The following DLG2 variants were observed in gnomAD, a reference collection of about 807,000 sequenced individuals.
DLG2 encodes the protein disks large homolog 2.
Under a neutral mutation model 132.5 loss-of-function variants are expected in DLG2, and 45 were observed. That is an observed-to-expected ratio of 0.34 (90% CI 0.27 to 0.44). DLG2 has a LOEUF of 0.44. Ranked by LOEUF, DLG2 falls within the 20% of genes least tolerant of loss-of-function variation. DLG2 has a pLI of 1.00. For missense variants in DLG2, 1,045 were observed against 1,196.9 expected, an observed-to-expected ratio of 0.87 and a Z score of 1.87; for synonymous variants, 424 against 419.6, an observed-to-expected ratio of 1.01 and a Z score of -0.13.
chr11:85,199,905 G>C lies in DLG2; in HGVS notation c.187-45254C>G, dbSNP rs2081328321. Among the ~76,000 whole-genome samples, 3 of 150,518 alleles carry C rather than the reference G, an allele frequency of 2.0e-5. 1 individual carries two copies. Among genetic ancestry groups the C allele is most frequent in the Middle Eastern group, 7.0e-3 (2 of 284 alleles). ...ACTTTGGGTTCTACCCCCACACCAA[G>C]AACGCAGAATATTTTTGTAGTGAGA... On this transcript the variant is annotated intron_variant, in intron 4 of 27. Transcript: ENST00000376104.
intron 3 of DLG2, among the ~76,000 whole-genome samples, chr11:85,367,135 T>TA: frequency 6.6e-6 from 1 of 152,262 alleles, no homozygotes; most frequent in South Asian, 2.1e-4. Context: ...ATCAACGTTT[T>TA]AAAAAATAAT....
chr11:85,425,045 C>CA (rs57698826), intron 3 of DLG2, among the ~76,000 whole-genome samples: 1 of 151,324 alleles, frequency 6.6e-6, no homozygotes, highest in Non-Finnish European at 1.5e-5. Context: ...AACAAAAAAA[C>CA]AAACCCACCA....
At chr11:83,461,917 G>A (rs2090104724) in intron 27 of DLG2, 85 bp downstream of exon 27, 2 of 903,884 alleles carry the variant, frequency 2.2e-6, no homozygotes, top group East Asian at 2.4e-5. Context: ...TAGGGCACAA[G>A]TACACCAGGC....
At chr11:84,500,745 G>T (rs1370002752) in intron 7 of DLG2, among the ~76,000 whole-genome samples, 1 of 152,154 alleles carries the variant, frequency 6.6e-6, no homozygotes, top group Non-Finnish European at 1.5e-5. Flanking sequence ...AAGGTACACT[G>T]GGATCAGAAA....
intron 6 of DLG2, among the ~76,000 whole-genome samples, chr11:84,952,268 GGGCGCGGT>G (rs2051029972): frequency 6.6e-6 from 1 of 152,170 alleles, no homozygotes; most frequent in African/African-American, 2.4e-5. Flanking sequence ...AGAACTGGCC[GGGCGCGGT>G]GGCTCACGCC....
chr11:85,037,054 C>G (rs1405801871), intron 6 of DLG2, among the ~76,000 whole-genome samples: 1 of 152,188 alleles, frequency 6.6e-6, no homozygotes, highest in African/African-American at 2.4e-5. Context: ...CGTGGTGCAG[C>G]CTGCCAGCTC....
intron 9 of DLG2, among the ~76,000 whole-genome samples, chr11:84,148,757 A>T (rs1416987360): frequency 1.3e-5 from 2 of 151,982 alleles, no homozygotes; most frequent in Non-Finnish European, 2.9e-5. Context: ...CTGGGTGAAA[A>T]GGTAGTTCAA....
intron 6 of DLG2, among the ~76,000 whole-genome samples, chr11:84,899,485 A>G (rs2090616541): frequency 6.6e-6 from 1 of 152,084 alleles, no homozygotes; most frequent in South Asian, 2.1e-4. Flanking sequence ...TCACCGTGCA[A>G]CAAATGTTGG....
intron 6 of DLG2, among the ~76,000 whole-genome samples, chr11:84,684,037 T>G (rs1036021415): frequency 6.6e-6 from 1 of 152,150 alleles, no homozygotes; most frequent in Non-Finnish European, 1.5e-5. Flanking sequence ...CCTAAGCAAT[T>G]TGTTTCATGT....
At position 84,143,396 on chromosome 11, in the gene DLG2, T is replaced by C. The variant is rs533304035; in HGVS notation, c.624+20065A>G. ...GAATCAATAAATCTGATTGGTAATA[T>C]TGAGTTAAATCCAAGGTGACATTTT... On this transcript the variant is annotated intron_variant, in intron 9 of 27. Transcript: ENST00000376104. 2.6e-5 allele frequency among the ~76,000 whole-genome samples: 4 copies of C among 152,284 alleles called. 1 individual carries two copies. Among genetic ancestry groups the C allele is most frequent in the South Asian group, 4.1e-4 (2 of 4,822 alleles).
intron 6 of DLG2, chr11:85,020,910 G>A: frequency 1.3e-6 from 1 of 769,356 alleles, no homozygotes; most frequent in Non-Finnish European, 2.4e-6. Flanking sequence ...CCCCTCCTCA[G>A]CAGGGTCATC....
At position 83,789,314 on chromosome 11, in the gene DLG2, A is replaced by G. The variant is rs60050519; in HGVS notation, c.1723-2522T>C. On this transcript the variant is annotated intron_variant, in intron 17 of 27. Transcript: ENST00000376104. ...TTGAAAATGGGCCATTTAAAAAGAC[A>G]TAGCAATTTCCATTCTGTTTAATGC... Among the ~76,000 whole-genome samples, 1,308 of 147,920 alleles carry G rather than the reference A, an allele frequency of 8.8e-3. 24 individuals carry two copies. The highest frequency in any genetic ancestry group is 0.03 in the African/African-American group (1,225 of 40,456).
chr11:83,682,880 A>G (rs2079073207), intron 18 of DLG2, among the ~76,000 whole-genome samples: 1 of 152,170 alleles, frequency 6.6e-6, no homozygotes, highest in South Asian at 2.1e-4. Context: ...TACTGAGCAG[A>G]TAAGGAACCC....
At position 83,502,668 on chromosome 11, in the gene DLG2, A is replaced by G. The variant is rs1266880523; in HGVS notation, c.2194-18440T>C. Among the ~76,000 whole-genome samples the G allele has an allele frequency of 3.9e-5, 6 of 152,170 alleles. No individual in the cohort carries two copies. The East Asian group carries it at 7.8e-4, about 20-fold the overall frequency. Reference sequence around the variant, plus strand: ...TAAGGGCTCCTCTCCTCTTCTGGTAATCTCTCAGACTAGTCTTTACTGGCT... The same window carrying G: ...TAAGGGCTCCTCTCCTCTTCTGGTAGTCTCTCAGACTAGTCTTTACTGGCT... On this transcript the variant is annotated intron_variant, in intron 21 of 27. Transcript: ENST00000376104.
intron 19 of DLG2, among the ~76,000 whole-genome samples, chr11:83,577,469 A>G (rs1201707907): frequency 7.1e-6 from 1 of 140,398 alleles, no homozygotes; most frequent in African/African-American, 2.6e-5. Context: ...ATATATATAT[A>G]TAAAATAGGA....
At chr11:84,542,531 A>T (rs10501569) in intron 6 of DLG2, among the ~76,000 whole-genome samples, 10,364 of 152,272 alleles carry the variant, frequency 0.068, 418 homozygotes, top group South Asian at 0.11. Context: ...AGAATGCTAC[A>T]TACATAGTGT....
chr11:85,036,440 T>G (rs1340960482), intron 6 of DLG2, among the ~76,000 whole-genome samples: 1 of 152,210 alleles, frequency 6.6e-6, no homozygotes, highest in Non-Finnish European at 1.5e-5. Context: ...GTGGTCTCAA[T>G]AAAGAGAAGT....
chr11:83,931,510 A>G (rs2080218286), intron 14 of DLG2, among the ~76,000 whole-genome samples: 2 of 152,226 alleles, frequency 1.3e-5, no homozygotes, highest in South Asian at 2.1e-4. Flanking sequence ...CAGTAGCACC[A>G]TATTCTGAGT....
rs74342139 is a variant in DLG2, at chr11:84,286,742, G to A, written c.520-35451C>T. Among the ~76,000 whole-genome samples the A allele has an allele frequency of 5.9e-5, 9 of 152,290 alleles. No homozygotes were observed. In the East Asian group the frequency reaches 1.5e-3, roughly 26 times the overall value. On this transcript the variant is annotated intron_variant, in intron 7 of 27. Transcript: ENST00000376104. ...CAACAAGTGTCTGAGTGAGGACAGGGAATGCTGTTGAGAGGTAAATTTGAC... is the reference window on the plus strand; with the variant it reads ...CAACAAGTGTCTGAGTGAGGACAGGAAATGCTGTTGAGAGGTAAATTTGAC...
Sources: allele counts gnomAD v4.1 joint callset (sites outside exome capture counted in the v4.1 genomes callset), GRCh38; gene constraint gnomAD v4.1.1; transcripts MANE v1.5; gene names NCBI Gene and HGNC (gene_info 2026-07-23, HGNC 2026-07-21).